SCHIP1: variants seen among roughly 807,000 people sequenced by gnomAD.
SCHIP1 encodes the protein schwannomin interacting protein 1.
Under a neutral mutation model 29.7 loss-of-function variants are expected in SCHIP1, and 8 were observed. The ratio of observed to expected loss-of-function variants is 0.27; its 90% CI spans 0.16 to 0.49. The LOEUF is 0.49. Ranked by LOEUF, SCHIP1 falls within the 20% of genes least tolerant of loss-of-function variation. The pLI, the probability that SCHIP1 is intolerant of heterozygous loss-of-function variation, is 0.99. For synonymous variants in SCHIP1, 76 were observed against 94.9 expected (o/e 0.80, Z 1.16); for missense variants, 193 against 294.6 (o/e 0.66, Z 2.52).
chr3:159,421,275 G>A, the SCHIP1 span, among the ~76,000 whole-genome samples: 1 of 152,290 alleles, frequency 6.6e-6, no homozygotes, highest in East Asian at 1.9e-4. Flanking sequence ...AAGGGCAGTA[G>A]TTTTAGTCTG....
the SCHIP1 span, among the ~76,000 whole-genome samples, chr3:159,719,874 C>A: frequency 6.6e-6 from 1 of 152,198 alleles, no homozygotes; most frequent in Non-Finnish European, 1.5e-5. Flanking sequence ...CCAGCCATCC[C>A]ATTACTGGGT....
the SCHIP1 span, among the ~76,000 whole-genome samples, chr3:159,644,783 T>C: frequency 6.6e-6 from 1 of 152,286 alleles, no homozygotes; most frequent in South Asian, 2.1e-4. Flanking sequence ...TCTTGTGTCA[T>C]TTAACGTATA....
At chr3:159,538,166 AG>A in the SCHIP1 span, among the ~76,000 whole-genome samples, 1 of 152,310 alleles carries the variant, frequency 6.6e-6, no homozygotes, top group South Asian at 2.1e-4. Flanking sequence ...GCTATTTTAA[AG>A]AAAGTAATCT....
chr3:159,731,682 T>C, the SCHIP1 span, among the ~76,000 whole-genome samples: 5 of 152,212 alleles, frequency 3.3e-5, no homozygotes, highest in Admixed American at 3.3e-4. Flanking sequence ...GCCCTCCTCT[T>C]TGAGGCGAGC....
chr3:159,701,853 C>T, the SCHIP1 span, among the ~76,000 whole-genome samples: 1 of 151,886 alleles, frequency 6.6e-6, no homozygotes, highest in African/African-American at 2.4e-5. Context: ...AGACATTGGG[C>T]AGACTTCAAG....
chr3:159,721,612 C>T, the SCHIP1 span: 794 of 204,090 alleles, frequency 3.9e-3, 8 homozygotes, highest in African/African-American at 0.017. Flanking sequence ...TTGGAAAGGA[C>T]CACTCAGGCT....
chr3:159,544,346 G>T, the SCHIP1 span, among the ~76,000 whole-genome samples: 6 of 152,026 alleles, frequency 3.9e-5, no homozygotes, highest in Admixed American at 3.9e-4. Flanking sequence ...TGCTTCAAGA[G>T]CATTCTTACA....
At chr3:159,871,463 C>T (rs1214433850) in intron 2 of SCHIP1, among the ~76,000 whole-genome samples, 4 of 152,076 alleles carry the variant, frequency 2.6e-5, no homozygotes, top group East Asian at 1.9e-4. Flanking sequence ...AGCAAGACTT[C>T]GTCTCTATTT....
chr3:159,888,829 A>G, exon 5 of SCHIP1: 3 of 1,613,980 alleles, frequency 1.9e-6, no homozygotes, highest in East Asian at 2.2e-5. Flanking sequence ...GCTGCCACAC[A>G]TGCCTCATAT....
the SCHIP1 span, among the ~76,000 whole-genome samples, chr3:159,280,305 A>T: frequency 6.6e-6 from 1 of 152,148 alleles, no homozygotes; most frequent in African/African-American, 2.4e-5. Context: ...TGTTTCCACC[A>T]CTTTCACTGG....
intron 2 of SCHIP1, among the ~76,000 whole-genome samples, chr3:159,867,656 T>C (rs558334333): frequency 6.6e-6 from 1 of 152,252 alleles, no homozygotes; most frequent in African/African-American, 2.4e-5. Context: ...GCCCTCCTCT[T>C]TCCCTTAGGA....
chr3:159,345,031 C>G, the SCHIP1 span, among the ~76,000 whole-genome samples: 8 of 151,876 alleles, frequency 5.3e-5, no homozygotes, highest in Non-Finnish European at 1.2e-4. Context: ...CATTCAAGAC[C>G]AGCCTGGCCA....
At chr3:159,789,248 T>G in the SCHIP1 span, among the ~76,000 whole-genome samples, 3 of 152,168 alleles carry the variant, frequency 2.0e-5, no homozygotes, top group Non-Finnish European at 2.9e-5. Context: ...ATCTTGAGTC[T>G]AAAGGCTGTC....
chr3:159,656,614 C>T, the SCHIP1 span, among the ~76,000 whole-genome samples: 4 of 152,086 alleles, frequency 2.6e-5, no homozygotes, highest in Non-Finnish European at 4.4e-5. Context: ...CTCTGTGCCT[C>T]GGTTTTCTCA....
chr3:159,851,941 C>A (rs1712699145), intron 1 of SCHIP1, among the ~76,000 whole-genome samples: 1 of 152,140 alleles, frequency 6.6e-6, no homozygotes, highest in African/African-American at 2.4e-5. Context: ...GCAATTAATT[C>A]TTTTTGGAAC....
chr3:159,845,613 C>T (rs1711692387), intron 1 of SCHIP1: 1 of 152,154 alleles, frequency 6.6e-6, no homozygotes, highest in Non-Finnish European at 1.5e-5. Flanking sequence ...AACTTCTGAC[C>T]TTAGGTGATC....
At chr3:159,708,740 C>T in the SCHIP1 span, among the ~76,000 whole-genome samples, 1 of 152,190 alleles carries the variant, frequency 6.6e-6, no homozygotes, top group Admixed American at 6.5e-5. Context: ...GGAGAGCTGT[C>T]ACCCTTAGGC....
the SCHIP1 span, among the ~76,000 whole-genome samples, chr3:159,328,332 T>C: frequency 6.6e-6 from 1 of 152,140 alleles, no homozygotes; most frequent in African/African-American, 2.4e-5. Context: ...GAGGAATTTA[T>C]GGTCTTAGAA....
At chr3:159,545,628 T>C in the SCHIP1 span, among the ~76,000 whole-genome samples, 1 of 148,034 alleles carries the variant, frequency 6.8e-6, no homozygotes, top group South Asian at 2.1e-4. Flanking sequence ...ACAATATATA[T>C]ACAATATATA....
Sources: allele counts gnomAD v4.1 joint callset (sites outside exome capture counted in the v4.1 genomes callset), GRCh38; gene constraint gnomAD v4.1.1; transcripts MANE v1.5; gene names NCBI Gene and HGNC (gene_info 2026-07-23, HGNC 2026-07-21).